The following MTSS2 variants were observed in gnomAD, a reference collection of about 807,000 sequenced individuals.
MTSS2 encodes MTSS I-BAR domain containing 2, also known as protein MTSS 2.
In MTSS2, 27 loss-of-function variants were observed where a neutral mutation model predicts 67.1. The observed-to-expected ratio is 0.40, with a 90% CI of 0.30 to 0.55. The LOEUF is 0.55. Ranked by LOEUF, MTSS2 falls within the 20% of genes least tolerant of loss-of-function variation. The pLI, the probability that MTSS2 is intolerant of heterozygous loss-of-function variation, is 0.43. For synonymous variants in MTSS2, 624 were observed against 468.6 expected, an observed-to-expected ratio of 1.33 and a Z score of -4.28; for missense variants, 1,171 against 1,067.8, an observed-to-expected ratio of 1.10 and a Z score of -1.35.
At chr16:70,679,745 C>A (rs369297219) in intron 5 of MTSS2, 41 bp from the exon 6 acceptor site, 3 of 1,609,786 alleles carry the variant, frequency 1.9e-6, no homozygotes, top group East Asian at 2.2e-5. Flanking sequence ...GGGGTCCCTG[C>A]GGAGTGGGGG....
chr16:70,664,590 G>C lies in MTSS2; in HGVS notation c.1471+8C>G, dbSNP rs371101298. 1.9e-6 allele frequency: 3 copies of C among 1,610,570 alleles called. No individual in the cohort carries two copies. Among genetic ancestry groups the C allele is most frequent in the South Asian group, 2.2e-5 (2 of 90,956 alleles). On this transcript the variant is annotated splice_region_variant and intron_variant, in intron 14 of 14. Coordinates refer to ENST00000338779, the MANE Select transcript of MTSS2 (RefSeq NM_138383.3). The stretch of plus-strand genomic sequence containing the variant: ...GTCCCTGGTCCCACCCCAGCCCCGC[G>C]GGCCTGCCTTGGGAGGGGATGGTGT...
At chr16:70,666,337 C>T (rs1053878805) in intron 11 of MTSS2, among the ~76,000 whole-genome samples, 2 of 152,172 alleles carry the variant, frequency 1.3e-5, no homozygotes, top group African/African-American at 4.8e-5. Flanking sequence ...GAAAGGGACA[C>T]ACCTGCTCTG....
intron 3 of MTSS2, 81 bp from the exon 4 acceptor site, chr16:70,680,136 GCCGCGCAGGCGGAGCCCGCAGC>G: frequency 9.7e-7 from 1 of 1,032,334 alleles, no homozygotes; most frequent in South Asian, 3.2e-5. Context: ...GGGCGCCCCG[GCCGCGCAGGCGGAGCCCGCAGC>G]CCGCGCCCTG....
In MTSS2 at chr16:70,677,825, T is replaced by G. The variant is rs2053170056; in HGVS notation, c.699A>C (p.Ala233=). The G allele has an allele frequency of 6.2e-7, 1 of 1,611,924 alleles. No individual in the cohort carries two copies. The highest frequency in any genetic ancestry group is 8.5e-7 in the Non-Finnish European group (1 of 1,179,458). The change falls in exon 9 of 15, where the codon GCA becomes GCC. Residue 233 remains alanine (A), a synonymous_variant. Transcript: ENST00000338779. ...GIIDDLVVLT[A]EPHKLPPASE... is the part of the protein sequence containing the mutation. The stretch of plus-strand genomic sequence containing the variant: ...TGGCGGGAGGCAGTTTGTGGGGTTC[T>G]GCTGTCAGCACCACCAAGTCGTCGA...
chr16:70,664,403 C>G lies in MTSS2; in HGVS notation c.1518G>C (p.Glu506Asp), dbSNP rs772391263. 1.9e-6 allele frequency: 3 copies of G among 1,556,052 alleles called. No homozygotes were observed. The highest frequency in any genetic ancestry group is 2.6e-6 in the Non-Finnish European group (3 of 1,156,234). The change falls in exon 15 of 15, where the codon GAG becomes GAC. Residue 506 changes from glutamate to aspartate, a missense_variant. Physicochemically the swap from Glu to Asp is conservative, Grantham distance 45. Transcript: ENST00000338779. ...ATGACTTGTCAAACTCGGGCGGGCC[C>G]TCGCTGTCCGCATCCCCATTCACGG... Reference protein sequence around the residue: ...CYSVNGDADSEGPPEFDKSST... With the variant: ...CYSVNGDADSDGPPEFDKSST...
chr16:70,673,756 G>A (rs1382176381), intron 11 of MTSS2, among the ~76,000 whole-genome samples: 2 of 152,112 alleles, frequency 1.3e-5, no homozygotes, highest in African/African-American at 4.8e-5. Flanking sequence ...TAGCTTGTAA[G>A]TTTGAGAAGG....
intron 11 of MTSS2, among the ~76,000 whole-genome samples, chr16:70,667,613 C>A (rs549128278): frequency 2.0e-5 from 3 of 152,176 alleles, no homozygotes; most frequent in Non-Finnish European, 4.4e-5. Flanking sequence ...TGGCTCACAC[C>A]TATACTCCCA....
chr16:70,675,106 C>T (rs1391328164), intron 10 of MTSS2, among the ~76,000 whole-genome samples: 1 of 145,608 alleles, frequency 6.9e-6, no homozygotes, highest in Non-Finnish European at 1.5e-5. Flanking sequence ...AAGGCTCTGT[C>T]TTGAAAAAAA....
intron 7 of MTSS2, among the ~76,000 whole-genome samples, 196 bp from the exon 8 acceptor site, chr16:70,678,605 CAG>C (rs931706784): frequency 1.3e-5 from 2 of 152,224 alleles, no homozygotes; most frequent in Non-Finnish European, 2.9e-5. Context: ...GCAGAGAGGA[CAG>C]ACACACACAC....
chr16:70,669,966 C>T (rs116060741), intron 11 of MTSS2, among the ~76,000 whole-genome samples: 2,324 of 152,006 alleles, frequency 0.015, 56 homozygotes, highest in African/African-American at 0.054. Flanking sequence ...GGATGTGGAA[C>T]AGCAATGAAC....
intron 11 of MTSS2, among the ~76,000 whole-genome samples, chr16:70,667,051 G>A (rs550282461): frequency 6.6e-6 from 1 of 152,128 alleles, no homozygotes; most frequent in Non-Finnish European, 1.5e-5. Flanking sequence ...TGATGCATAA[G>A]GATCACTTGA....
At chr16:70,679,465 T>TA in intron 6 of MTSS2, 142 bp from the exon 7 acceptor site, 1 of 1,260,330 alleles carries the variant, frequency 7.9e-7, no homozygotes, top group Non-Finnish European at 1.1e-6. Context: ...GGACCAGGTT[T>TA]GGGGGGAAGG....
In MTSS2 at chr16:70,663,483, T is replaced by G; in HGVS notation, c.*194A>C. On this transcript the variant is annotated 3_prime_UTR_variant, in exon 15 of 15. Transcript: ENST00000338779. Reference sequence around the variant, plus strand: ...AGGCCCAGGCCTGCAGGCTCCGTCCTGGCCAGGCTTGCTAAGAAGTCACTT... The same window carrying G: ...AGGCCCAGGCCTGCAGGCTCCGTCCGGGCCAGGCTTGCTAAGAAGTCACTT... 5.4e-6 allele frequency: 6 copies of G among 1,104,624 alleles called. 1 individual carries two copies. The highest frequency in any genetic ancestry group is 7.4e-6 in the Non-Finnish European group (6 of 808,634). 68.4% of individuals were successfully genotyped at this position (1,104,624 alleles called of 1,614,324 possible). A position where few individuals can be genotyped will look rare whatever the true frequency, so the allele number is the denominator to read the frequency against.
chr16:70,661,624 A>G lies in MTSS2; in HGVS notation c.*2053T>C. On this transcript the variant is annotated 3_prime_UTR_variant, in exon 15 of 15. Coordinates refer to ENST00000338779, the MANE Select transcript of MTSS2 (RefSeq NM_138383.3). ...GGGTGGGCCTATGAGGTGGTTGCTA[A>G]GTCGACGCAAGGGCGGCGGGGGTGG... is the stretch of plus-strand genomic sequence containing the variant. 1 of 341,962 alleles carries G rather than the reference A, an allele frequency of 2.9e-6. No homozygotes were observed. Among genetic ancestry groups the G allele is most frequent in the South Asian group, 2.3e-5 (1 of 44,078 alleles). The allele number at this position is 341,962 out of a possible 1,614,324, so 21.2% of individuals were successfully genotyped here.
rs1369887809 is a variant in MTSS2, at chr16:70,662,046, A to C, written c.*1631T>G. The C allele has an allele frequency of 2.0e-5, 3 of 152,278 alleles. No individual in the cohort carries two copies. Among genetic ancestry groups the C allele is most frequent in the Non-Finnish European group, 4.4e-5 (3 of 68,242 alleles). The allele number at this position is 152,278 out of a possible 1,614,324, so 9.4% of individuals were successfully genotyped here. ...TGAACCTAGTGACTTACTTACAGGG[A>C]CCATTCTTCATCAGCTCCCTCTGAT... On this transcript the variant is annotated 3_prime_UTR_variant, in exon 15 of 15. Transcript: ENST00000338779.
chr16:70,670,025 C>CTT (rs1378054827), intron 11 of MTSS2, among the ~76,000 whole-genome samples: 3 of 151,512 alleles, frequency 2.0e-5, no homozygotes, highest in African/African-American at 7.3e-5. Flanking sequence ...AATCCCAGTA[C>CTT]TTTGGGAGGC....
Position 70,664,671 on chromosome 16 carries a change from C to T in MTSS2, c.1398G>A (p.Ser466=), listed in dbSNP as rs752785519. ...SLEHQKSSRD[S]LQYSSGYSTQ... ...TGCTGTAGCCGCTGGAGTACTGCAGCGAGTCCCGGCTGCTCTTCTGGTGCT... is the reference window on the plus strand; with the variant it reads ...TGCTGTAGCCGCTGGAGTACTGCAGTGAGTCCCGGCTGCTCTTCTGGTGCT... The change falls in exon 14 of 15, where the codon TCG becomes TCA. Residue 466 remains serine (S), a synonymous_variant. Transcript: ENST00000338779. 12 of 1,613,330 alleles carry T rather than the reference C, an allele frequency of 7.4e-6. No homozygotes were observed. The highest frequency in any genetic ancestry group is 4.4e-5 in the South Asian group (4 of 91,034).
At chr16:70,674,049 T>C (rs547825517) in intron 11 of MTSS2, among the ~76,000 whole-genome samples, 14 of 152,214 alleles carry the variant, frequency 9.2e-5, no homozygotes, top group Admixed American at 2.0e-4. Context: ...GGTTGTCAGA[T>C]TGGATAAAAA....
In MTSS2 at chr16:70,679,663, CCGA is replaced by C; in HGVS notation, c.421_423del (p.Ser141del). The C allele has an allele frequency of 6.2e-7, 1 of 1,610,396 alleles. No individual in the cohort carries two copies. ...GCCTTCTTCTGCAGCTTCAGCGTGTCCGACGACTTCTTTTTGATCTCATGCCGG... is the reference window on the plus strand; with the variant it reads ...GCCTTCTTCTGCAGCTTCAGCGTGTCCGACTTCTTTTTGATCTCATGCCGG... On this transcript the variant is annotated inframe_deletion, in exon 6 of 15. Coordinates refer to ENST00000338779, the MANE Select transcript of MTSS2 (RefSeq NM_138383.3).
Sources: gnomAD v4.1 joint callset for allele counts (sites outside exome capture counted in the v4.1 genomes callset) on GRCh38, gnomAD v4.1.1 for gene constraint, MANE v1.5 for transcripts, NCBI Gene and HGNC (gene_info 2026-07-23, HGNC 2026-07-21) for gene names.